DNAH11: variants seen among roughly 807,000 people sequenced by gnomAD.
The protein encoded by DNAH11 is dynein axonemal heavy chain 11.
Under a neutral mutation model 526.0 loss-of-function variants are expected in DNAH11, and 442 were observed. That is an observed-to-expected ratio of 0.84 (90% confidence interval 0.78 to 0.91). The LOEUF (loss-of-function observed/expected upper bound fraction) is 0.91. Among genes scored for constraint, DNAH11 ranks in the 40% least tolerant of loss-of-function variants. DNAH11 has a pLI of 0.00. For missense variants in DNAH11, 6,989 were observed against 5,448.7 expected, an observed-to-expected ratio of 1.28 and a Z score of -8.90; for synonymous variants, 2,461 against 1,935.9, an observed-to-expected ratio of 1.27 and a Z score of -7.12.
chr7:21,679,560 A>G (rs1783053580), intron 30 of DNAH11, among the ~76,000 whole-genome samples: 1 of 152,172 alleles, frequency 6.6e-6, no homozygotes, highest in Admixed American at 6.5e-5. Flanking sequence ...AATAGGGCAA[A>G]TGCTTATAAA....
At chr7:21,699,205 C>A (rs1235014407) in intron 36 of DNAH11, among the ~76,000 whole-genome samples, 3 of 151,968 alleles carry the variant, frequency 2.0e-5, no homozygotes, top group African/African-American at 7.2e-5. Flanking sequence ...ATTGGTAATT[C>A]TTTATTTAAA....
At chr7:21,682,148 C>G (rs1325067821) in intron 31 of DNAH11, among the ~76,000 whole-genome samples, 1 of 152,290 alleles carries the variant, frequency 6.6e-6, no homozygotes, top group Middle Eastern at 3.4e-3. Flanking sequence ...AATCCTTTGT[C>G]TCTTCCTTGA....
At chr7:21,804,609 C>G (rs944933622) in intron 62 of DNAH11, among the ~76,000 whole-genome samples, 2 of 152,120 alleles carry the variant, frequency 1.3e-5, no homozygotes, top group Admixed American at 1.3e-4. Context: ...TTGAATCACC[C>G]TTGACTCTGT....
chr7:21,711,947 G>T, intron 42 of DNAH11, 87 bp downstream of exon 42: 1 of 1,450,100 alleles, frequency 6.9e-7, no homozygotes, highest in South Asian at 1.3e-5. Context: ...GCACATTCAT[G>T]TTGTTGCACA....
At chr7:21,681,325 G>A (rs1420365295) in intron 30 of DNAH11, among the ~76,000 whole-genome samples, 4 of 152,024 alleles carry the variant, frequency 2.6e-5, no homozygotes, top group Non-Finnish European at 5.9e-5. Context: ...TACTAGGGAG[G>A]CTGAGGCAGG....
intron 65 of DNAH11, among the ~76,000 whole-genome samples, chr7:21,826,569 A>T (rs928686881): frequency 6.6e-6 from 1 of 152,164 alleles, no homozygotes; most frequent in Non-Finnish European, 1.5e-5. Flanking sequence ...ACCTCCAACA[A>T]TGAACATTTT....
intron 14 of DNAH11, among the ~76,000 whole-genome samples, chr7:21,597,717 A>G (rs1784916065): frequency 6.6e-6 from 1 of 152,210 alleles, no homozygotes; most frequent in Admixed American, 6.5e-5. Context: ...CACTCTCCCA[A>G]CACATGGAGA....
intron 2 of DNAH11, among the ~76,000 whole-genome samples, chr7:21,551,754 C>A (rs6461580): frequency 6.6e-6 from 1 of 152,088 alleles, no homozygotes; most frequent in Non-Finnish European, 1.5e-5. Flanking sequence ...TCTAACTTTT[C>A]TTTGGTATTC....
intron 46 of DNAH11, among the ~76,000 whole-genome samples, chr7:21,736,220 C>G (rs114018958): frequency 0.011 from 1,713 of 152,240 alleles, 34 homozygotes; most frequent in African/African-American, 0.039. Flanking sequence ...AGGAGAAATT[C>G]ATTAAAACTG....
chr7:21,802,031 C>G (rs946955034), intron 62 of DNAH11, among the ~76,000 whole-genome samples: 3 of 152,208 alleles, frequency 2.0e-5, no homozygotes, highest in East Asian at 1.9e-4. Flanking sequence ...ACGTCTTCAA[C>G]TTTGTTTTCT....
rs374335908 is a variant in DNAH11 at position 21,735,802 on chromosome 7, C to T, written c.7603C>T (p.Arg2535Cys). ...TCTCTCTGAGGATTACATAGTATCC[C>T]GTGTGCCTTTCAACTACTACACGAC... is the stretch of plus-strand genomic sequence containing the variant. ...ASLSEDYIVS[R>C]VPFNYYTTST... The change falls in exon 46 of 82, where the codon CGT becomes TGT. Residue 2535 changes from arginine to cysteine, a missense_variant. Coordinates refer to ENST00000409508, the MANE Select transcript of DNAH11 (RefSeq NM_001277115.2). 8.1e-5 allele frequency: 130 copies of T among 1,613,564 alleles called. No homozygotes were observed. The highest frequency in any genetic ancestry group is 2.2e-4 in the Admixed American group (13 of 59,992).
At chr7:21,669,465 C>T (rs1782554047) in intron 30 of DNAH11, among the ~76,000 whole-genome samples, 1 of 152,146 alleles carries the variant, frequency 6.6e-6, no homozygotes, top group African/African-American at 2.4e-5. Flanking sequence ...GCCACTGAGC[C>T]TGGTCTTTTT....
chr7:21,884,631 TAG>T (rs2128043859), intron 76 of DNAH11, among the ~76,000 whole-genome samples: 1 of 152,274 alleles, frequency 6.6e-6, no homozygotes, highest in African/African-American at 2.4e-5. Flanking sequence ...CTGTGTGTGC[TAG>T]AGAGTGCACC....
chr7:21,900,267 T>TTAAG (rs1486045651), intron 81 of DNAH11, 147 bp downstream of exon 81: 6 of 1,006,320 alleles, frequency 6.0e-6, no homozygotes, highest in Non-Finnish European at 8.1e-6. Context: ...CTTAAATAAT[T>TTAAG]TAAGTGCTGG....
At chr7:21,865,361 GAATTCAA>G (rs1412516225) in intron 70 of DNAH11, among the ~76,000 whole-genome samples, 4 of 152,094 alleles carry the variant, frequency 2.6e-5, no homozygotes, top group Non-Finnish European at 5.9e-5. Flanking sequence ...TGTAACTTTA[GAATTCAA>G]AATTCAAATT....
chr7:21,892,130 C>A (rs553565347), intron 76 of DNAH11, among the ~76,000 whole-genome samples: 1 of 152,196 alleles, frequency 6.6e-6, no homozygotes, highest in East Asian at 1.9e-4. Context: ...TAGGGTAGCC[C>A]AGGCTCTGTG....
At chr7:21,590,559 G>T (rs1306560187) in intron 12 of DNAH11, among the ~76,000 whole-genome samples, 1 of 152,120 alleles carries the variant, frequency 6.6e-6, no homozygotes, top group Non-Finnish European at 1.5e-5. Context: ...CCCAAATTCT[G>T]ATCTGTTTCC....
At chr7:21,808,823 T>C (rs781439467) in intron 63 of DNAH11, among the ~76,000 whole-genome samples, 1 of 152,214 alleles carries the variant, frequency 6.6e-6, no homozygotes, top group Non-Finnish European at 1.5e-5. Context: ...TTGGCTATTG[T>C]GAATAGTGAT....
intron 65 of DNAH11, among the ~76,000 whole-genome samples, chr7:21,832,834 G>A (rs149758245): frequency 1.0e-3 from 152 of 152,256 alleles, no homozygotes; most frequent in African/African-American, 3.5e-3. Context: ...TGTATGTGAC[G>A]CACAAAGCCT....
Sources: gnomAD v4.1 joint callset for allele counts (sites outside exome capture counted in the v4.1 genomes callset) on GRCh38, gnomAD v4.1.1 for gene constraint, MANE v1.5 for transcripts, NCBI Gene and HGNC (gene_info 2026-07-23, HGNC 2026-07-21) for gene names.